Variants in PIGN observed in about 807,000 individuals in gnomAD.
The protein encoded by PIGN is GPI ethanolamine phosphate transferase 1.
Under a neutral mutation model 125.4 loss-of-function variants are expected in PIGN, and 117 were observed. The ratio of observed to expected loss-of-function variants is 0.93; its 90% CI spans 0.80 to 1.09. PIGN has a LOEUF of 1.09. Among genes scored for constraint, PIGN ranks in the 50% least tolerant of loss-of-function variants. The probability of loss-of-function intolerance (pLI) is 0.00; values close to 1 mark genes in which losing one functional copy is unlikely to be tolerated. For missense variants in PIGN, 1,075 were observed against 1,094.9 expected (o/e 0.98, Z 0.26); for synonymous variants, 392 against 377.8 (o/e 1.04, Z -0.44).
At chr18:62,034,801 G>A (rs2030236373) in intron 23 of PIGN, among the ~76,000 whole-genome samples, 1 of 152,168 alleles carries the variant, frequency 6.6e-6, no homozygotes, top group Non-Finnish European at 1.5e-5. Flanking sequence ...CCTTGTCTCA[G>A]ATGAGACTTT....
Position 62,105,599 on chromosome 18 carries a change from G to C in PIGN, c.1803C>G (p.Leu601=), listed in dbSNP as rs374316055. The C allele has an allele frequency of 1.9e-6, 3 of 1,555,152 alleles. No homozygotes were observed. The South Asian group carries it at 3.6e-5, about 18-fold the overall frequency. Residue 601 remains leucine (L), a synonymous_variant, in exon 20 of 31, where the codon CTC becomes CTG. Transcript: ENST00000640252. ...TSLSWTFFSL[L]LAVFPLMPVV... is the part of the protein sequence containing the mutation. ...CCGGCATCAGTGGGAACACTGCCAG[G>C]AGCAAAGAGAAGAAAGTCCAACTCA...
intron 1 of PIGN, among the ~76,000 whole-genome samples, chr18:62,173,166 T>C (rs951775091): frequency 6.6e-6 from 1 of 152,248 alleles, no homozygotes; most frequent in Admixed American, 6.5e-5. Flanking sequence ...ATAAACTCTG[T>C]AAATAACAAG....
intron 22 of PIGN, among the ~76,000 whole-genome samples, chr18:62,096,220 G>A (rs976424456): frequency 2.7e-4 from 41 of 152,032 alleles, no homozygotes; most frequent in East Asian, 9.7e-4. Flanking sequence ...GCTTGAACCC[G>A]GGAGGCAGAG....
intron 1 of PIGN, among the ~76,000 whole-genome samples, chr18:62,169,337 T>A (rs2037265943): frequency 6.6e-6 from 1 of 152,270 alleles, no homozygotes. Flanking sequence ...ATAATTTGTT[T>A]ATTCACTCTC....
chr18:62,149,983 A>G (rs778944766), intron 7 of PIGN, among the ~76,000 whole-genome samples: 2 of 152,064 alleles, frequency 1.3e-5, no homozygotes, highest in African/African-American at 2.4e-5. Context: ...CCCTGATAAG[A>G]GTTTGTTGCT....
chr18:62,127,867 GC>G (rs2035594818), intron 14 of PIGN, among the ~76,000 whole-genome samples: 1 of 151,816 alleles, frequency 6.6e-6, no homozygotes, highest in Non-Finnish European at 1.5e-5. Context: ...AATTATCCAG[GC>G]CATAATAAAC....
At chr18:62,071,863 C>CATATATATATATATATATAT (rs61508545) in intron 30 of PIGN, among the ~76,000 whole-genome samples, 2 of 77,618 alleles carry the variant, frequency 2.6e-5, no homozygotes, top group African/African-American at 4.6e-5. Context: ...ACTCCTTTTC[C>CATATATATATATATATATAT]ATATATATAT....
At chr18:62,078,378 A>G (rs2033281600) in intron 28 of PIGN, among the ~76,000 whole-genome samples, 1 of 152,242 alleles carries the variant, frequency 6.6e-6, no homozygotes. Flanking sequence ...AGAACCCAGA[A>G]GTAAGCCTGC....
At chr18:62,167,186 G>GCGCTCTCTCTCTCTCTCTCTCTCTATGT in intron 1 of PIGN, among the ~76,000 whole-genome samples, 2 of 110,932 alleles carry the variant, frequency 1.8e-5, no homozygotes. Flanking sequence ...GAGAGCAGGA[G>GCGCTCTCTCTCTCTCTCTCTCTCTATGT]CGCTCTCTCT....
chr18:62,116,472 C>A (rs2035090583), intron 14 of PIGN, among the ~76,000 whole-genome samples: 1 of 152,144 alleles, frequency 6.6e-6, no homozygotes, highest in African/African-American at 2.4e-5. Context: ...CAAATGTGTA[C>A]CCTCAGCTGC....
At chr18:62,163,090 C>G (rs1045738162) in intron 2 of PIGN, among the ~76,000 whole-genome samples, 3 of 152,114 alleles carry the variant, frequency 2.0e-5, no homozygotes, top group African/African-American at 7.2e-5. Context: ...TTTAGTGCAT[C>G]AGTCATATTA....
intron 17 of PIGN, among the ~76,000 whole-genome samples, chr18:62,108,151 G>A (rs2034726221): frequency 6.6e-6 from 1 of 152,146 alleles, no homozygotes; most frequent in South Asian, 2.1e-4. Context: ...GTCAAAAGGG[G>A]AATGTTTCTT....
intron 5 of PIGN, 148 bp from the exon 6 acceptor site, chr18:62,157,375 T>TA (rs542873401): frequency 5.5e-4 from 287 of 524,170 alleles, no homozygotes; most frequent in South Asian, 1.5e-3. Flanking sequence ...TACCACTATT[T>TA]AAAAAAAAAC....
intron 14 of PIGN, among the ~76,000 whole-genome samples, chr18:62,134,490 G>A (rs4941112): frequency 0.33 from 50,520 of 151,980 alleles, 9,291 homozygotes; most frequent in East Asian, 0.6. Context: ...CAATAGCACC[G>A]CTACTATTCC....
intron 23 of PIGN, among the ~76,000 whole-genome samples, chr18:62,025,946 A>C (rs907997921): frequency 1.3e-5 from 2 of 152,120 alleles, no homozygotes; most frequent in African/African-American, 4.8e-5. Flanking sequence ...AATTCCTCCA[A>C]GTTAATAATA....
At chr18:62,110,263 C>T (rs540142318) in intron 16 of PIGN, 21 of 207,454 alleles carry the variant, frequency 1.0e-4, no homozygotes, top group East Asian at 6.0e-4. Flanking sequence ...GAATTCTGAA[C>T]ATGTTTCCTT....
At chr18:62,032,184 G>A (rs1283517288) in intron 23 of PIGN, among the ~76,000 whole-genome samples, 1 of 152,116 alleles carries the variant, frequency 6.6e-6, no homozygotes, top group Admixed American at 6.5e-5. Flanking sequence ...TCCTAATAAG[G>A]TCACATTCAC....
chr18:62,125,077 T>C (rs9957347), intron 14 of PIGN, among the ~76,000 whole-genome samples: 25,931 of 146,308 alleles, frequency 0.18, 3,102 homozygotes, highest in Middle Eastern at 0.29. Context: ...TAAATATACA[T>C]GTTTGTACAT....
intron 19 of PIGN, among the ~76,000 whole-genome samples, chr18:62,106,177 G>T (rs12607219): frequency 0.32 from 49,139 of 151,896 alleles, 8,834 homozygotes; most frequent in East Asian, 0.59. Context: ...TTAAAAGATC[G>T]ATAATCCCAT....
Sources: allele counts gnomAD v4.1 joint callset (sites outside exome capture counted in the v4.1 genomes callset), GRCh38; gene constraint gnomAD v4.1.1; transcripts MANE v1.5; gene names NCBI Gene and HGNC (gene_info 2026-07-23, HGNC 2026-07-21).